Variants in SNX29 observed in about 807,000 individuals in gnomAD.
SNX29 encodes sorting nexin 29, also known as sorting nexin-29.
In SNX29, 78 loss-of-function variants were observed where a neutral mutation model predicts 102.1. The observed-to-expected ratio is 0.76, with a 90% CI of 0.64 to 0.92. The LOEUF is 0.92. SNX29 is among the 40% of genes least tolerant of loss of function. The pLI is 0.00. For synonymous variants in SNX29, 580 were observed against 414.5 expected (o/e 1.40, Z -4.85); for missense variants, 1,280 against 1,061.7 (o/e 1.21, Z -2.86).
At chr16:12,253,495 A>G (rs2078480732) in intron 14 of SNX29, among the ~76,000 whole-genome samples, 1 of 152,164 alleles carries the variant, frequency 6.6e-6, no homozygotes, top group Non-Finnish European at 1.5e-5. Context: ...GAGTGTGGGG[A>G]GATCATGACT....
At chr16:12,429,247 A>G (rs767841673) in intron 18 of SNX29, among the ~76,000 whole-genome samples, 1 of 152,190 alleles carries the variant, frequency 6.6e-6, no homozygotes, top group Non-Finnish European at 1.5e-5. Context: ...ATATGATTAC[A>G]ATTAATATCT....
intron 16 of SNX29, among the ~76,000 whole-genome samples, chr16:12,388,633 C>T (rs567812653): frequency 3.2e-4 from 49 of 152,304 alleles, no homozygotes; most frequent in Non-Finnish European, 3.2e-4. Context: ...AGCCTGAAAG[C>T]GGTCATAGAT....
At chr16:12,392,849 G>T (rs2083578254) in intron 16 of SNX29, among the ~76,000 whole-genome samples, 1 of 152,206 alleles carries the variant, frequency 6.6e-6, no homozygotes, top group Non-Finnish European at 1.5e-5. Context: ...CCCTGAAAGT[G>T]CTCCAGAACT....
chr16:12,542,744 C>G (rs757094575), intron 20 of SNX29, among the ~76,000 whole-genome samples: 5 of 138,578 alleles, frequency 3.6e-5, no homozygotes, highest in African/African-American at 5.4e-5. Context: ...CATATAAGCA[C>G]TAGACTATCA....
chr16:12,296,584 G>A (rs1229813684), intron 15 of SNX29, among the ~76,000 whole-genome samples: 2 of 152,200 alleles, frequency 1.3e-5, no homozygotes, highest in African/African-American at 4.8e-5. Flanking sequence ...TGTAAACATG[G>A]TTGTGTGTCA....
At chr16:12,293,882 TC>T (rs1480824376) in intron 15 of SNX29, among the ~76,000 whole-genome samples, 1 of 152,208 alleles carries the variant, frequency 6.6e-6, no homozygotes, top group Non-Finnish European at 1.5e-5. Context: ...CCAGGCATAT[TC>T]CTAAGCACTT....
chr16:12,092,500 T>C (rs898973183), intron 11 of SNX29, among the ~76,000 whole-genome samples: 4 of 152,204 alleles, frequency 2.6e-5, no homozygotes, highest in African/African-American at 9.6e-5. Context: ...TCACCTTTTT[T>C]CCTCTTGTGT....
intron 14 of SNX29, among the ~76,000 whole-genome samples, chr16:12,263,317 G>A (rs1344020616): frequency 6.6e-6 from 1 of 151,994 alleles, no homozygotes; most frequent in Non-Finnish European, 1.5e-5. Context: ...TAGTAGAGAC[G>A]GGGTTCTGCC....
chr16:12,554,986 A>G (rs1049124112), intron 20 of SNX29, among the ~76,000 whole-genome samples: 1 of 151,774 alleles, frequency 6.6e-6, no homozygotes, highest in Admixed American at 6.6e-5. Context: ...AGTCAGCCGG[A>G]GCACCTTTCT....
At chr16:12,127,343 A>G (rs942310078) in intron 12 of SNX29, among the ~76,000 whole-genome samples, 1 of 152,066 alleles carries the variant, frequency 6.6e-6, no homozygotes, top group African/African-American at 2.4e-5. Context: ...GTTAACATCA[A>G]CACAGTCAAT....
At chr16:12,563,645 G>C (rs1043943585) in intron 20 of SNX29, among the ~76,000 whole-genome samples, 11 of 152,256 alleles carry the variant, frequency 7.2e-5, no homozygotes, top group African/African-American at 1.7e-4. Context: ...CAGAAGGTAG[G>C]AACTGAGTCT....
chr16:12,556,952 A>G (rs1047800933), intron 20 of SNX29, among the ~76,000 whole-genome samples: 2 of 144,958 alleles, frequency 1.4e-5, no homozygotes, highest in African/African-American at 5.1e-5. Flanking sequence ...GCTCAGGCTC[A>G]GTCTTCCCAC....
intron 16 of SNX29, among the ~76,000 whole-genome samples, chr16:12,384,382 G>A (rs906397654): frequency 5.3e-5 from 8 of 152,164 alleles, no homozygotes; most frequent in Non-Finnish European, 1.0e-4. Context: ...GCCAGCATTT[G>A]TTACTGCCTG....
chr16:12,134,472 C>A (rs1374908061), intron 13 of SNX29, among the ~76,000 whole-genome samples: 1 of 152,192 alleles, frequency 6.6e-6, no homozygotes, highest in Non-Finnish European at 1.5e-5. Context: ...CAAGCTTCAT[C>A]CTGTGGCTGT....
chr16:12,539,278 ACCCTCCCCCACCTCTAAGCCCTTGT>A (rs974520637), intron 20 of SNX29, among the ~76,000 whole-genome samples: 9 of 151,330 alleles, frequency 5.9e-5, no homozygotes, highest in Non-Finnish European at 1.2e-4. Flanking sequence ...TTCTAGCTGC[ACCCTCCCCCACCTCTAAGCCCTTGT>A]CCCTCCCCCT....
At chr16:12,276,153 A>C (rs891976657) in intron 14 of SNX29, among the ~76,000 whole-genome samples, 3 of 152,090 alleles carry the variant, frequency 2.0e-5, no homozygotes, top group Non-Finnish European at 2.9e-5. Flanking sequence ...TTGGCCTCCC[A>C]AAAGTGCTGG....
chr16:12,402,791 G>A (rs1465421220), intron 17 of SNX29, among the ~76,000 whole-genome samples: 2 of 152,122 alleles, frequency 1.3e-5, no homozygotes, highest in Non-Finnish European at 2.9e-5. Context: ...TGGTGTATTG[G>A]ACCCATATAC....
At chr16:12,540,555 G>A (rs926378754) in intron 20 of SNX29, among the ~76,000 whole-genome samples, 1 of 152,212 alleles carries the variant, frequency 6.6e-6, no homozygotes, top group Non-Finnish European at 1.5e-5. Flanking sequence ...GCCACCCTAT[G>A]CCATGGCCCC....
At chr16:12,323,513 GT>G (rs962390269) in intron 15 of SNX29, among the ~76,000 whole-genome samples, 18 of 109,232 alleles carry the variant, frequency 1.6e-4, no homozygotes, top group African/African-American at 6.0e-4. Flanking sequence ...CTGCCTAGAG[GT>G]TTTAAAAAAA....
Sources: gnomAD v4.1 joint callset for allele counts (sites outside exome capture counted in the v4.1 genomes callset) on GRCh38, gnomAD v4.1.1 for gene constraint, MANE v1.5 for transcripts, NCBI Gene and HGNC (gene_info 2026-07-23, HGNC 2026-07-21) for gene names.